NCOA1: variants seen among roughly 807,000 people sequenced by gnomAD.
The protein encoded by NCOA1 is Hin-2 protein.
NCOA1 carries 35 observed loss-of-function variants against 150.9 expected under a neutral mutation model. The ratio of observed to expected loss-of-function variants is 0.23; its 90% CI spans 0.18 to 0.31. The LOEUF (loss-of-function observed/expected upper bound fraction) is 0.31. Among genes scored for constraint, NCOA1 ranks in the 10% least tolerant of loss-of-function variants. The pLI, the probability that NCOA1 is intolerant of heterozygous loss-of-function variation, is 1.00. For synonymous variants in NCOA1, 590 were observed against 630.0 expected, an observed-to-expected ratio of 0.94 and a Z score of 0.95; for missense variants, 1,491 against 1,749.3, an observed-to-expected ratio of 0.85 and a Z score of 2.63.
chr2:24,597,917 TTCCC>T (rs1476041217), intron 3 of NCOA1, among the ~76,000 whole-genome samples: 3 of 152,128 alleles, frequency 2.0e-5, no homozygotes, highest in Non-Finnish European at 4.4e-5. Flanking sequence ...TCCTAATGCT[TTCCC>T]TCCCATTTCC....
At chr2:24,522,208 C>G (rs993135667) in intron 1 of NCOA1, among the ~76,000 whole-genome samples, 8 of 152,048 alleles carry the variant, frequency 5.3e-5, no homozygotes, top group Non-Finnish European at 1.0e-4. Context: ...TAGTATATAC[C>G]TTCTGTAACA....
intron 5 of NCOA1, among the ~76,000 whole-genome samples, chr2:24,665,256 G>A (rs1229767805): frequency 6.6e-6 from 1 of 151,900 alleles, no homozygotes; most frequent in Non-Finnish European, 1.5e-5. Flanking sequence ...TTTTTGATGA[G>A]GATCAACTAA....
chr2:24,702,195 T>C (rs148331753), intron 11 of NCOA1, among the ~76,000 whole-genome samples: 42 of 152,348 alleles, frequency 2.8e-4, no homozygotes, highest in African/African-American at 9.4e-4. Flanking sequence ...TGTCAAACTT[T>C]GTTAAAAATA....
At chr2:24,606,661 T>G (rs1035620663) in intron 3 of NCOA1, among the ~76,000 whole-genome samples, 5 of 152,214 alleles carry the variant, frequency 3.3e-5, no homozygotes, top group Non-Finnish European at 4.4e-5. Flanking sequence ...TCTCCATATT[T>G]TCAGTCTTAG....
intron 21 of NCOA1, among the ~76,000 whole-genome samples, chr2:24,758,440 C>T (rs1664609762): frequency 6.6e-6 from 1 of 151,008 alleles, no homozygotes; most frequent in Non-Finnish European, 1.5e-5. Flanking sequence ...AAGGGATCCT[C>T]CCACCTCAGA....
At chr2:24,545,894 G>A (rs904818400) in intron 1 of NCOA1, among the ~76,000 whole-genome samples, 1 of 152,132 alleles carries the variant, frequency 6.6e-6, no homozygotes, top group African/African-American at 2.4e-5. Context: ...CCAGGTTCAA[G>A]CAATCCTGCC....
At chr2:24,606,803 G>A (rs1414347005) in intron 3 of NCOA1, among the ~76,000 whole-genome samples, 1 of 152,084 alleles carries the variant, frequency 6.6e-6, no homozygotes, top group Non-Finnish European at 1.5e-5. Context: ...TAGTATTTAT[G>A]TCCTTATAAC....
chr2:24,724,049 T>C lies in NCOA1; in HGVS notation c.2600-2540T>C, dbSNP rs566148788. Among the ~76,000 whole-genome samples the C allele has an allele frequency of 3.3e-5, 5 of 152,246 alleles. No homozygotes were observed. The South Asian group carries it at 1.0e-3, about 32-fold the overall frequency. ...GAAGTGACAGAAATTTTTAAATTATTTCTTAATATAAGGGGGGTTTTTTTG... is the reference window on the plus strand; with the variant it reads ...GAAGTGACAGAAATTTTTAAATTATCTCTTAATATAAGGGGGGTTTTTTTG... On this transcript the variant is annotated intron_variant, in intron 14 of 22. Transcript: ENST00000348332.
intron 2 of NCOA1, among the ~76,000 whole-genome samples, chr2:24,579,745 T>A (rs1667125678): frequency 6.6e-6 from 1 of 152,160 alleles, no homozygotes; most frequent in African/African-American, 2.4e-5. Flanking sequence ...GATAGAGGCG[T>A]CCTGGTAAAC....
intron 14 of NCOA1, among the ~76,000 whole-genome samples, chr2:24,719,894 A>G (rs896882106): frequency 6.6e-6 from 1 of 152,230 alleles, no homozygotes; most frequent in East Asian, 1.9e-4. Flanking sequence ...AAATGAAAAC[A>G]TAAGAAAATT....
chr2:24,587,068 A>G (rs1242408135), intron 3 of NCOA1, among the ~76,000 whole-genome samples: 1 of 151,936 alleles, frequency 6.6e-6, no homozygotes, highest in Non-Finnish European at 1.5e-5. Flanking sequence ...CAGCTTCATA[A>G]CAGACTGGCT....
intron 5 of NCOA1, among the ~76,000 whole-genome samples, chr2:24,659,457 C>T (rs55672317): frequency 3.2e-4 from 48 of 152,064 alleles, no homozygotes; most frequent in South Asian, 4.2e-4. Context: ...TCACAAATGC[C>T]AGATAGAGAA....
rs565579572 is a variant in NCOA1 at position 24,644,330 on chromosome 2, G to A, written c.-18+208G>A. On this transcript the variant is annotated intron_variant, in intron 4 of 22. Transcript: ENST00000348332. Reference sequence around the variant, plus strand: ...TTATGAAGCTATTTTAGTGTATGTCGAAATCACTTATGATGAGACCCTCAA... The same window carrying A: ...TTATGAAGCTATTTTAGTGTATGTCAAAATCACTTATGATGAGACCCTCAA... Among the ~76,000 whole-genome samples, 7 of 152,186 alleles carry A rather than the reference G, an allele frequency of 4.6e-5. No homozygotes were observed. In the East Asian group the frequency reaches 7.7e-4, roughly 17 times the overall value.
At chr2:24,671,125 T>C (rs748222008) in intron 6 of NCOA1, among the ~76,000 whole-genome samples, 68 of 152,306 alleles carry the variant, frequency 4.5e-4, no homozygotes, top group Non-Finnish European at 6.8e-4. Flanking sequence ...TCAAAAGACC[T>C]ACCAGTAGGG....
chr2:24,574,984 T>C (rs1174010088), intron 2 of NCOA1, among the ~76,000 whole-genome samples: 1 of 152,192 alleles, frequency 6.6e-6, no homozygotes. Flanking sequence ...TTGTTTATCC[T>C]GCTTGGATTT....
intron 1 of NCOA1, among the ~76,000 whole-genome samples, chr2:24,498,277 G>A (rs535614375): frequency 1.3e-5 from 2 of 152,300 alleles, no homozygotes; most frequent in South Asian, 2.1e-4. Context: ...ATATGAGTAC[G>A]TACTTTGTTC....
chr2:24,526,803 CTG>C (rs1441290623), intron 1 of NCOA1, among the ~76,000 whole-genome samples: 1 of 151,916 alleles, frequency 6.6e-6, no homozygotes, highest in Non-Finnish European at 1.5e-5. Context: ...CCCTCTATAT[CTG>C]TGGGTTTTGC....
chr2:24,705,663 A>G (rs915543724), intron 12 of NCOA1, among the ~76,000 whole-genome samples: 3 of 152,134 alleles, frequency 2.0e-5, no homozygotes, highest in Non-Finnish European at 2.9e-5. Flanking sequence ...TAAACTATCA[A>G]CTTGATTTTT....
intron 3 of NCOA1, among the ~76,000 whole-genome samples, chr2:24,625,911 C>T (rs996276979): frequency 5.3e-5 from 8 of 152,036 alleles, no homozygotes; most frequent in Non-Finnish European, 1.0e-4. Flanking sequence ...AAATTTATTT[C>T]GACTTATCAG....
Sources: gnomAD v4.1 joint callset for allele counts (sites outside exome capture counted in the v4.1 genomes callset) on GRCh38, gnomAD v4.1.1 for gene constraint, MANE v1.5 for transcripts, NCBI Gene and HGNC (gene_info 2026-07-23, HGNC 2026-07-21) for gene names.